The following STAB2 variants were observed in gnomAD, a reference collection of about 807,000 sequenced individuals.
The protein encoded by STAB2 is stabilin 2, also known as stabilin-2.
STAB2 carries 288 observed loss-of-function variants against 338.1 expected under a neutral mutation model. The observed-to-expected ratio is 0.85, with a 90% CI of 0.77 to 0.94. STAB2 has a LOEUF of 0.94. STAB2 is among the 40% of genes least tolerant of loss of function. STAB2 has a pLI of 0.00. For missense variants in STAB2, 3,141 were observed against 3,210.1 expected (o/e 0.98, Z 0.52); for synonymous variants, 1,202 against 1,193.3 (o/e 1.01, Z -0.15).
chr12:103,751,516 C>T (rs1015676073), intron 60 of STAB2, among the ~76,000 whole-genome samples: 25 of 152,046 alleles, frequency 1.6e-4, no homozygotes, highest in Non-Finnish European at 2.5e-4. Flanking sequence ...GGGAAGGTGA[C>T]GAGAGGTTTG....
chr12:103,713,801 G>A (rs371031975), intron 42 of STAB2, 33 bp downstream of exon 42: 1 of 1,611,514 alleles, frequency 6.2e-7, no homozygotes, highest in African/African-American at 1.3e-5. Flanking sequence ...TCGGCGAAAT[G>A]GTATAAGAGT....
intron 12 of STAB2, among the ~76,000 whole-genome samples, chr12:103,653,441 C>G (rs1873891841): frequency 6.6e-6 from 1 of 152,226 alleles, no homozygotes. Context: ...AGAGGCCACA[C>G]AGTAAGTGCC....
chr12:103,587,594 T>C lies in STAB2; in HGVS notation c.81+37T>C, dbSNP rs370713561. 6.5e-6 allele frequency: 10 copies of C among 1,540,670 alleles called. No homozygotes were observed. The African/African-American group carries it at 1.4e-4, about 21-fold the overall frequency. On this transcript the variant is annotated intron_variant, in intron 1 of 68. Coordinates refer to ENST00000388887, the MANE Select transcript of STAB2 (RefSeq NM_017564.10). Reference sequence around the variant, plus strand: ...CTTACATATTTTTTTCATTTGTTAATTGTCATGATATGTTCAAAAGCTTGT... The same window carrying C: ...CTTACATATTTTTTTCATTTGTTAACTGTCATGATATGTTCAAAAGCTTGT...
chr12:103,708,204 G>A (rs1301936976), intron 38 of STAB2, among the ~76,000 whole-genome samples: 2 of 152,134 alleles, frequency 1.3e-5, no homozygotes. Flanking sequence ...GTGCTACACT[G>A]TCTCAAAACT....
chr12:103,610,618 T>C (rs999904282), intron 3 of STAB2, among the ~76,000 whole-genome samples: 28 of 152,232 alleles, frequency 1.8e-4, no homozygotes, highest in African/African-American at 6.8e-4. Flanking sequence ...ATCAATTTTG[T>C]TGATCTTTTC....
At chr12:103,735,703 T>C in intron 52 of STAB2, 123 bp downstream of exon 52, 1 of 752,404 alleles carries the variant, frequency 1.3e-6, no homozygotes, top group South Asian at 2.2e-5. Context: ...GGGCTCATTT[T>C]TTTTCTCACT....
At position 103,766,419 on chromosome 12, in the gene STAB2, G is replaced by C; in HGVS notation, c.*83G>C. 1 of 1,491,626 alleles carries C rather than the reference G, an allele frequency of 6.7e-7. No homozygotes were observed. The highest frequency in any genetic ancestry group is 9.1e-7 in the Non-Finnish European group (1 of 1,099,828). 92.4% of individuals were successfully genotyped at this position (1,491,626 alleles called of 1,614,324 possible). ...ATTCTCAGCACCAGTTGCCTTTTAG[G>C]AACGTAAAGTCCTTTAAGCACTCAG... On this transcript the variant is annotated 3_prime_UTR_variant, in exon 69 of 69. Coordinates refer to ENST00000388887, the MANE Select transcript of STAB2 (RefSeq NM_017564.10).
At chr12:103,591,277 G>C (rs1019356257) in intron 2 of STAB2, among the ~76,000 whole-genome samples, 2 of 152,026 alleles carry the variant, frequency 1.3e-5, no homozygotes, top group Non-Finnish European at 2.9e-5. Flanking sequence ...TTGAGATCAG[G>C]AGTTCGAGAC....
At chr12:103,622,203 T>C in intron 5 of STAB2, 92 bp downstream of exon 5, 3 of 1,335,856 alleles carry the variant, frequency 2.2e-6, no homozygotes, top group Non-Finnish European at 3.1e-6. Context: ...TGAATAGTTA[T>C]GTGTGATAAA....
In STAB2 at chr12:103,758,140, C is replaced by T. The variant is rs752652763; in HGVS notation, c.6988-30C>T. 4 of 1,613,338 alleles carry T rather than the reference C, an allele frequency of 2.5e-6. No individual in the cohort carries two copies. In the South Asian group the frequency reaches 3.3e-5, roughly 13 times the overall value. ...CCAGGTCCCTGCACACCAGGGCTGG[C>T]CCCTCTGATGACTTCCTTCTTCTCC... On this transcript the variant is annotated intron_variant, in intron 63 of 68. Coordinates refer to ENST00000388887, the MANE Select transcript of STAB2 (RefSeq NM_017564.10).
At chr12:103,638,331 T>C (rs1957585969) in intron 8 of STAB2, 119 bp downstream of exon 8, 1 of 1,163,028 alleles carries the variant, frequency 8.6e-7, no homozygotes, top group Non-Finnish European at 1.2e-6. Context: ...CGCTTGGTCT[T>C]CCCCTCCAGA....
chr12:103,632,102 G>A (rs1957472949), intron 6 of STAB2, among the ~76,000 whole-genome samples: 1 of 152,166 alleles, frequency 6.6e-6, no homozygotes. Flanking sequence ...TAAGGAAGAG[G>A]AAAGGGTGCT....
At chr12:103,710,752 A>C (rs1201769001) in intron 39 of STAB2, among the ~76,000 whole-genome samples, 1 of 152,198 alleles carries the variant, frequency 6.6e-6, no homozygotes, top group Non-Finnish European at 1.5e-5. Flanking sequence ...CCACTTTTGC[A>C]GGCCTCTGTT....
chr12:103,692,707 G>C, intron 30 of STAB2, 105 bp from the exon 31 acceptor site: 6 of 876,500 alleles, frequency 6.8e-6, no homozygotes, highest in South Asian at 6.5e-5. Flanking sequence ...TGGCCCAAAA[G>C]TATGAAGGTC....
chr12:103,762,489 C>A, intron 67 of STAB2, 87 bp downstream of exon 67: 1 of 1,591,964 alleles, frequency 6.3e-7, no homozygotes, highest in Non-Finnish European at 8.6e-7. Context: ...GGTGGCTGCG[C>A]CAGAGTCCTC....
intron 8 of STAB2, 49 bp downstream of exon 8, chr12:103,638,261 A>G (rs1413451225): frequency 1.3e-6 from 2 of 1,558,468 alleles, no homozygotes; most frequent in Non-Finnish European, 8.7e-7. Context: ...TTGACAAGCC[A>G]CTATGTGTCA....
intron 21 of STAB2, among the ~76,000 whole-genome samples, chr12:103,670,308 C>T (rs138897991): frequency 1.3e-5 from 2 of 152,178 alleles, no homozygotes; most frequent in African/African-American, 4.8e-5. Context: ...AGGTGGGAGG[C>T]AAATATGTTT....
chr12:103,764,500 A>C (rs1442247223), intron 68 of STAB2, among the ~76,000 whole-genome samples: 1 of 152,220 alleles, frequency 6.6e-6, no homozygotes, highest in Non-Finnish European at 1.5e-5. Flanking sequence ...GGTACCCCAT[A>C]CATAACACAT....
Position 103,733,051 on chromosome 12 carries a change from G to A in STAB2, c.5329G>A (p.Val1777Ile). ...SVITDPIHTPVTLFWPTDQAL... is the reference protein window; with the variant it reads ...SVITDPIHTPITLFWPTDQAL... Reference sequence around the variant, plus strand: ...CATCACCGATCCCATCCACACCCCAGTCACTCTCTTCTGGCCCACCGACCA... The same window carrying A: ...CATCACCGATCCCATCCACACCCCAATCACTCTCTTCTGGCCCACCGACCA... The change falls in exon 51 of 69, where the codon GTC (valine) becomes ATC (isoleucine). Residue 1777 changes from valine (V) to isoleucine (I), a missense_variant. Val to Ile is a conservative substitution (Grantham distance 29, BLOSUM62 3). Transcript: ENST00000388887. 1 of 1,614,038 alleles carries A rather than the reference G, an allele frequency of 6.2e-7. No individual in the cohort carries two copies. The highest frequency in any genetic ancestry group is 8.5e-7 in the Non-Finnish European group (1 of 1,179,976).
Sources: allele counts gnomAD v4.1 joint callset (sites outside exome capture counted in the v4.1 genomes callset), GRCh38; gene constraint gnomAD v4.1.1; transcripts MANE v1.5; gene names NCBI Gene and HGNC (gene_info 2026-07-23, HGNC 2026-07-21).